The following WWOX variants were observed in gnomAD, a reference collection of about 807,000 sequenced individuals.
The protein encoded by WWOX is WW domain containing oxidoreductase, also known as WW domain-containing oxidoreductase.
In WWOX, 69 loss-of-function variants were observed where a neutral mutation model predicts 46.2. The observed-to-expected ratio is 1.49, with a 90% CI of 1.23 to 1.82. WWOX has a LOEUF of 1.82. Ranked by LOEUF, WWOX falls within the 40% of genes most tolerant of loss-of-function variation. The pLI, the probability that WWOX is intolerant of heterozygous loss-of-function variation, is 0.00. For synonymous variants in WWOX, 359 were observed against 202.6 expected, an observed-to-expected ratio of 1.77 and a Z score of -6.56; for missense variants, 919 against 542.6, an observed-to-expected ratio of 1.69 and a Z score of -6.89.
At chr16:78,964,602 G>T (rs765098068) in intron 8 of WWOX, among the ~76,000 whole-genome samples, 4 of 152,196 alleles carry the variant, frequency 2.6e-5, no homozygotes, top group South Asian at 2.1e-4. Context: ...CTGATTGTGC[G>T]ATAGAAAAGA....
intron 5 of WWOX, among the ~76,000 whole-genome samples, chr16:78,208,308 G>A (rs796481011): frequency 6.6e-6 from 1 of 150,966 alleles, no homozygotes; most frequent in Non-Finnish European, 1.5e-5. Context: ...GTAATTCTTT[G>A]CCATTCTGTC....
chr16:79,048,472 C>G (rs1015606421), intron 8 of WWOX, among the ~76,000 whole-genome samples: 1 of 152,064 alleles, frequency 6.6e-6, no homozygotes, highest in African/African-American at 2.4e-5. Flanking sequence ...ATTATGAGCT[C>G]TCCTGTGCTT....
chr16:78,422,056 T>G (rs2082946790), intron 6 of WWOX, among the ~76,000 whole-genome samples: 1 of 152,200 alleles, frequency 6.6e-6, no homozygotes, highest in Non-Finnish European at 1.5e-5. Flanking sequence ...ACTAGTGTAG[T>G]TGGACGTGTT....
intron 8 of WWOX, among the ~76,000 whole-genome samples, chr16:79,063,271 C>T (rs1353259657): frequency 3.3e-5 from 5 of 152,178 alleles, no homozygotes. Flanking sequence ...GTTACCCAGC[C>T]CAAGCCGCCT....
intron 8 of WWOX, among the ~76,000 whole-genome samples, chr16:78,818,618 C>T (rs755624656): frequency 6.6e-6 from 1 of 152,158 alleles, no homozygotes; most frequent in Non-Finnish European, 1.5e-5. Flanking sequence ...GTAGTCCTAG[C>T]TACTCAGGAG....
At chr16:78,282,101 C>T (rs1452785555) in intron 5 of WWOX, among the ~76,000 whole-genome samples, 1 of 152,146 alleles carries the variant, frequency 6.6e-6, no homozygotes, top group Non-Finnish European at 1.5e-5. Context: ...TCAGTCATGT[C>T]CCCGGATGAT....
chr16:79,115,717 A>G (rs1408035851), intron 8 of WWOX, among the ~76,000 whole-genome samples: 1 of 152,190 alleles, frequency 6.6e-6, no homozygotes, highest in African/African-American at 2.4e-5. Context: ...TAAATAAGAG[A>G]AAAAAACAGT....
At chr16:78,253,800 A>G (rs2151830560) in intron 5 of WWOX, among the ~76,000 whole-genome samples, 1 of 152,344 alleles carries the variant, frequency 6.6e-6, no homozygotes, top group South Asian at 2.1e-4. Flanking sequence ...AACCCAAGAG[A>G]TTAATTGTAG....
chr16:78,963,446 C>T (rs1021437076), intron 8 of WWOX, among the ~76,000 whole-genome samples: 12 of 152,132 alleles, frequency 7.9e-5, no homozygotes, highest in Middle Eastern at 3.4e-3. Context: ...TCAACTTGGG[C>T]GACAGAGTAA....
chr16:78,590,451 G>T (rs1218742563), intron 8 of WWOX, among the ~76,000 whole-genome samples: 1 of 152,204 alleles, frequency 6.6e-6, no homozygotes, highest in Non-Finnish European at 1.5e-5. Flanking sequence ...AATATTATTT[G>T]AGCTGCTCAC....
At chr16:78,884,373 G>C (rs779917398) in intron 8 of WWOX, among the ~76,000 whole-genome samples, 5 of 151,310 alleles carry the variant, frequency 3.3e-5, no homozygotes, top group Non-Finnish European at 5.9e-5. Flanking sequence ...AGTGTGTTTA[G>C]CAGCATTATT....
At position 78,828,872 on chromosome 16, in the gene WWOX, C is replaced by T. The variant is rs559797201; in HGVS notation, c.1057-382736C>T. Reference sequence around the variant, plus strand: ...TGAGCAGCATTTTCTGCATTGCATTCTTGTATGTAATCCTAAAATGTAGAT... The same window carrying T: ...TGAGCAGCATTTTCTGCATTGCATTTTTGTATGTAATCCTAAAATGTAGAT... On this transcript the variant is annotated intron_variant, in intron 8 of 8. Transcript: ENST00000566780. Among the ~76,000 whole-genome samples, 4 of 152,280 alleles carry T rather than the reference C, an allele frequency of 2.6e-5. No homozygotes were observed. The East Asian group carries it at 5.8e-4, about 22-fold the overall frequency.
chr16:78,900,857 A>G (rs1156616755), intron 8 of WWOX, among the ~76,000 whole-genome samples: 1 of 152,006 alleles, frequency 6.6e-6, no homozygotes, highest in Non-Finnish European at 1.5e-5. Flanking sequence ...GAAAAAAAAA[A>G]AAAAGAAAAA....
At position 78,339,695 on chromosome 16, in the gene WWOX, A is replaced by C. The variant is rs1293562557; in HGVS notation, c.517-47165A>C. On this transcript the variant is annotated intron_variant, in intron 5 of 8. Coordinates refer to ENST00000566780, the MANE Select transcript of WWOX (RefSeq NM_016373.4). ...ATCCTCATTTTATTCATTGTTAGGG[A>C]TAGAATTACAGATTTAAAATCAATT... Among the ~76,000 whole-genome samples the C allele has an allele frequency of 3.4e-5, 4 of 118,246 alleles. 2 individuals are homozygous for C. The highest frequency in any genetic ancestry group is 8.0e-5 in the Non-Finnish European group (4 of 49,788). The allele number at this position is 118,246 out of a possible 152,430, so 77.6% of individuals were successfully genotyped here.
At chr16:78,310,430 G>A (rs1174902338) in intron 5 of WWOX, among the ~76,000 whole-genome samples, 2 of 152,144 alleles carry the variant, frequency 1.3e-5, no homozygotes, top group East Asian at 3.9e-4. Context: ...TATACTCCTT[G>A]GGAAGCTAAT....
At position 78,340,124 on chromosome 16, in the gene WWOX, T is replaced by C. The variant is rs569186150; in HGVS notation, c.517-46736T>C. On this transcript the variant is annotated intron_variant, in intron 5 of 8. Transcript: ENST00000566780. ...TCTCTGATGTTAATGATAATTGTTT[T>C]AATTTTTCTTTTCTGTTTAGTTTCT... 1.2e-3 allele frequency among the ~76,000 whole-genome samples: 138 copies of C among 116,958 alleles called. 26 individuals carry two copies. Among genetic ancestry groups the C allele is most frequent in the African/African-American group, 3.9e-3 (134 of 34,628 alleles). The allele number at this position is 116,958 out of a possible 152,430, so 76.7% of individuals were successfully genotyped here. A position where few individuals can be genotyped will look rare whatever the true frequency, so the allele number is the denominator to read the frequency against.
At chr16:78,226,878 C>T (rs1405575095) in intron 5 of WWOX, among the ~76,000 whole-genome samples, 1 of 152,130 alleles carries the variant, frequency 6.6e-6, no homozygotes, top group Non-Finnish European at 1.5e-5. Flanking sequence ...CATAGCGCTT[C>T]CAGTAAATGC....
At chr16:79,191,723 A>T (rs926394166) in intron 8 of WWOX, among the ~76,000 whole-genome samples, 6 of 152,212 alleles carry the variant, frequency 3.9e-5, no homozygotes, top group Non-Finnish European at 8.8e-5. Flanking sequence ...AACCTGGCAA[A>T]TGTGTGCTCA....
intron 8 of WWOX, among the ~76,000 whole-genome samples, chr16:78,628,777 C>G (rs1010769248): frequency 6.6e-6 from 1 of 152,102 alleles, no homozygotes; most frequent in Non-Finnish European, 1.5e-5. Flanking sequence ...AGAGGAGAGA[C>G]CTTTGGAAAA....
Sources: allele counts gnomAD v4.1 joint callset (sites outside exome capture counted in the v4.1 genomes callset), GRCh38; gene constraint gnomAD v4.1.1; transcripts MANE v1.5; gene names NCBI Gene and HGNC (gene_info 2026-07-23, HGNC 2026-07-21).